The following TMEM175 variants were observed in gnomAD, a reference collection of about 807,000 sequenced individuals.
The protein encoded by TMEM175 is transmembrane protein 175, also known as endosomal/lysosomal proton channel TMEM175.
Under a neutral mutation model 36.5 loss-of-function variants are expected in TMEM175, and 36 were observed. That is an observed-to-expected ratio of 0.99 (90% CI 0.76 to 1.30). TMEM175 has a LOEUF of 1.30. Ranked by LOEUF, TMEM175 falls within the 50% of genes most tolerant of loss-of-function variation. The pLI is 0.00. For synonymous variants in TMEM175, 339 were observed against 313.4 expected (o/e 1.08, Z -0.86); for missense variants, 705 against 692.8 (o/e 1.02, Z -0.20).
Position 950,429 on chromosome 4 carries a change from C to T in TMEM175, c.201C>T (p.Asp67=). ...GTGCTCTTGTATTCCAGCAGTTCGA[C>T]AGAAGTGTACAGAGGCTTCTGGCAA... The part of the protein sequence containing the change: ...HTEISPEQQF[D]RSVQRLLATR... The change falls in exon 4 of 11, where the codon GAC becomes GAT. Residue 67 remains aspartate, a synonymous_variant. Coordinates refer to ENST00000264771, the MANE Select transcript of TMEM175 (RefSeq NM_032326.4). The T allele has an allele frequency of 1.2e-6, 2 of 1,613,456 alleles. No homozygotes were observed. The highest frequency in any genetic ancestry group is 2.2e-5 in the East Asian group (1 of 44,884).
intron 6 of TMEM175, 70 bp from the exon 7 acceptor site, chr4:952,296 GC>G (rs1208418798): frequency 6.5e-6 from 9 of 1,393,026 alleles, no homozygotes; most frequent in Non-Finnish European, 8.1e-6. Context: ...GCTCACCATG[GC>G]CCAGTTCCAG....
At chr4:951,652 T>A (rs770280802) in intron 5 of TMEM175, 30 bp from the exon 6 acceptor site, 3 of 1,613,858 alleles carry the variant, frequency 1.9e-6, no homozygotes, top group Admixed American at 3.3e-5. Flanking sequence ...CCAGGCCGCA[T>A]CATGGCTGTG....
At position 958,168 on chromosome 4, in the gene TMEM175, C is replaced by T. The variant is rs780109537; in HGVS notation, c.1187C>T (p.Thr396Met). 1.5e-5 allele frequency: 24 copies of T among 1,603,260 alleles called. No individual in the cohort carries two copies. Among genetic ancestry groups the T allele is most frequent in the East Asian group, 2.2e-5 (1 of 44,846 alleles). The change falls in exon 11 of 11, where the codon ACG becomes ATG. Residue 396 changes from threonine to methionine, a missense_variant. Thr to Met is a moderately conservative substitution (Grantham distance 81, BLOSUM62 -1). Transcript: ENST00000264771. The stretch of plus-strand genomic sequence containing the variant: ...ATCTTCCAGCTGGCCATGTGGACCA[C>T]GGCGCTGCTGCACCAGGCGGAGACG... ...ASIFQLAMWT[T>M]ALLHQAETLQ...
At chr4:954,253 C>T (rs547388288) in intron 8 of TMEM175, among the ~76,000 whole-genome samples, 5 of 152,306 alleles carry the variant, frequency 3.3e-5, no homozygotes, top group African/African-American at 1.2e-4. Context: ...TCCCAAAGTG[C>T]TGGGATTGCA....
At chr4:946,277 C>T (rs1228182448) in intron 1 of TMEM175, among the ~76,000 whole-genome samples, 1 of 152,246 alleles carries the variant, frequency 6.6e-6, no homozygotes, top group Admixed American at 6.5e-5. Context: ...CCTTGACACA[C>T]TGCTGCCCTC....
At chr4:940,448 CAAAAA>C (rs397879918) in intron 1 of TMEM175, among the ~76,000 whole-genome samples, 2 of 91,372 alleles carry the variant, frequency 2.2e-5, no homozygotes, top group East Asian at 3.3e-4. Flanking sequence ...AACTCGATCT[CAAAAA>C]AAAAAAAAAA....
At chr4:934,634 G>A (rs545062574) in intron 1 of TMEM175, among the ~76,000 whole-genome samples, 121 of 152,290 alleles carry the variant, frequency 7.9e-4, no homozygotes, top group African/African-American at 2.8e-3. Context: ...CAACAAATTC[G>A]GCACCCTTAG....
In TMEM175 at chr4:958,592, T is replaced by C. The variant is rs1711581599; in HGVS notation, c.*96T>C. 4 of 1,039,582 alleles carry C rather than the reference T, an allele frequency of 3.8e-6. No homozygotes were observed. Among genetic ancestry groups the C allele is most frequent in the Admixed American group, 3.0e-5 (1 of 33,392 alleles). The allele number at this position is 1,039,582 out of a possible 1,614,324, so 64.4% of individuals were successfully genotyped here. Reference sequence around the variant, plus strand: ...AAGCCAAGTCACGGGCAGGCCGCAGTGGTTCTTGCGTGGCCTGGTTTTATT... The same window carrying C: ...AAGCCAAGTCACGGGCAGGCCGCAGCGGTTCTTGCGTGGCCTGGTTTTATT... On this transcript the variant is annotated 3_prime_UTR_variant, in exon 11 of 11. Transcript: ENST00000264771.
intron 9 of TMEM175, 28 bp downstream of exon 9, chr4:955,511 G>T: frequency 6.2e-7 from 1 of 1,605,504 alleles, no homozygotes; most frequent in South Asian, 1.1e-5. Context: ...GGGCTGGCCT[G>T]AGAGGCCTGT....
intron 10 of TMEM175, 170 bp downstream of exon 10, chr4:956,060 C>T (rs995230828): frequency 1.5e-5 from 14 of 905,416 alleles, no homozygotes; most frequent in Non-Finnish European, 2.3e-5. Context: ...GGGAGGACAA[C>T]CTTCCCGGCG....
intron 1 of TMEM175, 114 bp from the exon 2 acceptor site, chr4:947,595 G>A: frequency 2.5e-6 from 2 of 791,632 alleles, no homozygotes; most frequent in South Asian, 1.8e-5. Context: ...CCCCTGCTCA[G>A]TGGCGGCCAA....
chr4:939,251 T>C (rs1727146473), intron 1 of TMEM175, among the ~76,000 whole-genome samples: 1 of 152,258 alleles, frequency 6.6e-6, no homozygotes, highest in Non-Finnish European at 1.5e-5. Context: ...TTTCAACAAA[T>C]GATACTGGAA....
chr4:951,334 C>A (rs942797117), intron 5 of TMEM175, 76 bp downstream of exon 5: 5 of 1,536,874 alleles, frequency 3.3e-6, no homozygotes, highest in Admixed American at 1.7e-5. Context: ...GGGAAGGGAG[C>A]AGCCGGCCTC....
rs1729579501 is a variant in TMEM175 at position 956,036 on chromosome 4, C to T, written c.842+146C>T. 6.6e-6 allele frequency: 7 copies of T among 1,057,790 alleles called. No homozygotes were observed. In the Admixed American group the frequency reaches 1.3e-4, roughly 20 times the overall value. 65.5% of individuals were successfully genotyped at this position (1,057,790 alleles called of 1,614,324 possible). ...CCTAGAGTTTTGTGTGAGGTCAGGGCAGCCCCCACTTCAGGGAGGACAACC... is the reference window on the plus strand; with the variant it reads ...CCTAGAGTTTTGTGTGAGGTCAGGGTAGCCCCCACTTCAGGGAGGACAACC... On this transcript the variant is annotated intron_variant, in intron 10 of 10. Coordinates refer to ENST00000264771, the MANE Select transcript of TMEM175 (RefSeq NM_032326.4).
chr4:941,376 C>CAAAA (rs567941043), intron 1 of TMEM175, among the ~76,000 whole-genome samples: 5 of 104,820 alleles, frequency 4.8e-5, no homozygotes, highest in Admixed American at 4.4e-4. Flanking sequence ...AACTCTGTCT[C>CAAAA]AAAAAAAAAA....
chr4:951,031 G>A (rs1468674454), intron 4 of TMEM175, among the ~76,000 whole-genome samples, 176 bp from the exon 5 acceptor site: 2 of 152,100 alleles, frequency 1.3e-5, no homozygotes, highest in Admixed American at 1.3e-4. Context: ...GTGCTTTCTA[G>A]GGAACTTCAT....
At chr4:951,774 A>T in intron 6 of TMEM175, 57 bp downstream of exon 6, 1 of 1,581,600 alleles carries the variant, frequency 6.3e-7, no homozygotes, top group Non-Finnish European at 8.7e-7. Context: ...ACTGGATTTG[A>T]CCTGTCCTCA....
chr4:946,299 G>A (rs983609210), intron 1 of TMEM175, among the ~76,000 whole-genome samples: 1 of 152,218 alleles, frequency 6.6e-6, no homozygotes, highest in Non-Finnish European at 1.5e-5. Flanking sequence ...TCCCTGCTCC[G>A]GGGCACCTGG....
At chr4:946,720 G>C (rs1728182654) in intron 1 of TMEM175, among the ~76,000 whole-genome samples, 3 of 152,236 alleles carry the variant, frequency 2.0e-5, no homozygotes, top group Admixed American at 2.0e-4. Flanking sequence ...CGTGTGCCCA[G>C]TGTGCACCCA....
Sources: gnomAD v4.1 joint callset for allele counts (sites outside exome capture counted in the v4.1 genomes callset) on GRCh38, gnomAD v4.1.1 for gene constraint, MANE v1.5 for transcripts, NCBI Gene and HGNC (gene_info 2026-07-23, HGNC 2026-07-21) for gene names.